Variants in SHANK2 observed in about 807,000 individuals in gnomAD.
SHANK2 encodes SH3 and multiple ankyrin repeat domains protein 2.
In SHANK2, 43 loss-of-function variants were observed where a neutral mutation model predicts 133.7. The observed-to-expected ratio is 0.32, with a 90% CI of 0.25 to 0.41. The LOEUF (loss-of-function observed/expected upper bound fraction) is 0.41. Ranked by LOEUF, SHANK2 falls within the 10% of genes least tolerant of loss-of-function variation. SHANK2 has a pLI of 1.00. For synonymous variants in SHANK2, 1,017 were observed against 952.8 expected, an observed-to-expected ratio of 1.07 and a Z score of -1.24; for missense variants, 1,994 against 2,235.8, an observed-to-expected ratio of 0.89 and a Z score of 2.18.
At chr11:70,672,066 C>T (rs12576768) in intron 15 of SHANK2, among the ~76,000 whole-genome samples, 13,904 of 54,286 alleles carry the variant, frequency 0.26, 1,157 homozygotes, top group African/African-American at 0.3. Flanking sequence ...TTTTCTTTTT[C>T]TTTTTTTTTT....
At chr11:71,153,025 CT>C (rs1241173261) in intron 2 of SHANK2, among the ~76,000 whole-genome samples, 1 of 152,210 alleles carries the variant, frequency 6.6e-6, no homozygotes, top group Non-Finnish European at 1.5e-5. Flanking sequence ...AAAAAACTCT[CT>C]GCTGTTCATC....
Position 70,807,079 on chromosome 11 carries a change from C to A in SHANK2, c.1586G>T (p.Arg529Met), listed in dbSNP as rs1555052077. Reference sequence around the variant, plus strand: ...GTATGGCTTGACAGCGACGAAGAGCCTCCCGGGCACGGCACTGTAGAGCTT... The same window carrying A: ...GTATGGCTTGACAGCGACGAAGAGCATCCCGGGCACGGCACTGTAGAGCTT... ...KRKLYSAVPG[R>M]LFVAVKPYQP... The change falls in exon 13 of 26, where the codon AGG (arginine) becomes ATG (methionine). Residue 529 changes from arginine to methionine, a missense_variant. This residue lies in a region of SHANK2 where 653 missense variants were observed against 563.4 expected (regional missense o/e 1.16). Transcript: ENST00000601538. The surrounding 1 kb of genome is among the most constrained non-coding windows in gnomAD (Gnocchi z 4.8). The A allele has an allele frequency of 2.8e-6, 2 of 717,956 alleles. No homozygotes were observed. The highest frequency in any genetic ancestry group is 5.2e-6 in the Non-Finnish European group (2 of 385,004). The allele number at this position is 717,956 out of a possible 1,614,324, so 44.5% of individuals were successfully genotyped here.
chr11:70,647,170 G>T (rs2061275792), intron 17 of SHANK2, among the ~76,000 whole-genome samples: 1 of 152,108 alleles, frequency 6.6e-6, no homozygotes, highest in Non-Finnish European at 1.5e-5. Flanking sequence ...CCAGCCAAAA[G>T]AAATCTAACT....
intron 14 of SHANK2, among the ~76,000 whole-genome samples, chr11:70,796,783 C>T (rs1256915458): frequency 6.6e-6 from 1 of 152,186 alleles, no homozygotes; most frequent in African/African-American, 2.4e-5. Flanking sequence ...TCAGAAGCTC[C>T]CCCTGGTGAC....
Position 71,236,596 on chromosome 11 carries a change from C to T in SHANK2, c.-112-11800G>A, listed in dbSNP as rs559559493. On this transcript the variant is annotated intron_variant, in intron 1 of 25. Coordinates refer to ENST00000601538, the MANE Select transcript of SHANK2 (RefSeq NM_012309.5). ...TCAGCTTGAGCCTGGTTCCAGTAGGCAACTTACAGAACCATGACCTAAATA... is the reference window on the plus strand; with the variant it reads ...TCAGCTTGAGCCTGGTTCCAGTAGGTAACTTACAGAACCATGACCTAAATA... 4.6e-5 allele frequency among the ~76,000 whole-genome samples: 7 copies of T among 152,308 alleles called. No homozygotes were observed. In the East Asian group the frequency reaches 1.4e-3, roughly 29 times the overall value.
intron 10 of SHANK2, chr11:70,943,100 G>A: frequency 4.4e-6 from 2 of 456,690 alleles, no homozygotes; most frequent in Non-Finnish European, 8.8e-6. Flanking sequence ...GGGTGGGAAG[G>A]AGTTCACCTG....
Position 70,707,956 on chromosome 11 carries a change from G to A in SHANK2, c.1778-9193C>T, listed in dbSNP as rs553663958. The stretch of plus-strand genomic sequence containing the variant: ...AGGCCAATCATCAGAACCTCCCCTG[G>A]GAATCTGGAGTAGATGTGGACAGTC... On this transcript the variant is annotated intron_variant, in intron 14 of 25. Coordinates refer to ENST00000601538, the MANE Select transcript of SHANK2 (RefSeq NM_012309.5). Among the ~76,000 whole-genome samples, 12 of 152,274 alleles carry A rather than the reference G, an allele frequency of 7.9e-5. No homozygotes were observed. The South Asian group carries it at 2.5e-3, about 32-fold the overall frequency.
chr11:71,212,536 T>G (rs1954304609), intron 2 of SHANK2, among the ~76,000 whole-genome samples: 1 of 152,188 alleles, frequency 6.6e-6, no homozygotes, highest in African/African-American at 2.4e-5. Flanking sequence ...TGTGGCTGTT[T>G]CCAGGGGCTG....
intron 11 of SHANK2, among the ~76,000 whole-genome samples, chr11:70,832,993 C>T (rs782496778): frequency 2.0e-5 from 3 of 152,218 alleles, no homozygotes; most frequent in Non-Finnish European, 2.9e-5. Flanking sequence ...AGCAGCCTGG[C>T]CAGCGTCCTC....
At chr11:70,567,263 T>C (rs1191619120) in intron 17 of SHANK2, among the ~76,000 whole-genome samples, 1 of 152,156 alleles carries the variant, frequency 6.6e-6, no homozygotes, top group Non-Finnish European at 1.5e-5. Flanking sequence ...ACAGGGCCTG[T>C]AGAGAGGTAA....
In SHANK2 at chr11:70,798,504, G is replaced by A. The variant is rs782240808; in HGVS notation, c.1716C>T (p.Ile572=). ...CCACGCACTCCGCCGGAAACCATCC[G>A]ATGTGGCCGCGGGCGCTGCCTTCCC... is the stretch of plus-strand genomic sequence containing the variant. ...GFWEGSARGH[I]GWFPAECVEE... Residue 572 remains isoleucine (I), a synonymous_variant, in exon 14 of 26, where the codon ATC becomes ATT. Transcript: ENST00000601538. 16 of 718,500 alleles carry A rather than the reference G, an allele frequency of 2.2e-5. No homozygotes were observed. Among genetic ancestry groups the A allele is most frequent in the South Asian group, 3.0e-5 (2 of 67,600 alleles). 44.5% of individuals were successfully genotyped at this position (718,500 alleles called of 1,614,324 possible).
At chr11:70,915,691 C>G (rs1565403619) in intron 10 of SHANK2, among the ~76,000 whole-genome samples, 1 of 152,166 alleles carries the variant, frequency 6.6e-6, no homozygotes, top group African/African-American at 2.4e-5. Context: ...GAGCCCACCC[C>G]ACAAAAGGGC....
chr11:71,105,176 AG>A (rs1457425542), intron 6 of SHANK2, among the ~76,000 whole-genome samples: 15 of 152,336 alleles, frequency 9.8e-5, no homozygotes, highest in Non-Finnish European at 1.8e-4. Flanking sequence ...AAGCTGTGAA[AG>A]GGCCTGGAGG....
intron 17 of SHANK2, among the ~76,000 whole-genome samples, chr11:70,564,696 T>C (rs2059947257): frequency 6.6e-6 from 1 of 152,222 alleles, no homozygotes; most frequent in Admixed American, 6.5e-5. Context: ...TTTTTTTCTC[T>C]GTGTTTCACT....
chr11:71,112,711 A>G (rs1454273825), intron 5 of SHANK2, among the ~76,000 whole-genome samples: 1 of 151,998 alleles, frequency 6.6e-6, no homozygotes, highest in African/African-American at 2.4e-5. Context: ...CACACACCCT[A>G]TGCCTCAGCC....
chr11:71,237,311 C>G (rs1555123838), intron 1 of SHANK2, among the ~76,000 whole-genome samples: 1 of 152,154 alleles, frequency 6.6e-6, no homozygotes. Context: ...TGCCCAGGGG[C>G]CAATTCTAGC....
At chr11:71,198,555 G>A (rs113820014) in intron 2 of SHANK2, among the ~76,000 whole-genome samples, 4,640 of 152,130 alleles carry the variant, frequency 0.031, 106 homozygotes, top group African/African-American at 0.062. Context: ...CTACCACATC[G>A]TGAGTCCACG....
In SHANK2 at chr11:70,804,485, T is replaced by C. The variant is rs2135258193; in HGVS notation, c.1663+2517A>G. 6.6e-6 allele frequency among the ~76,000 whole-genome samples: 1 copy of C among 152,314 alleles called. No homozygotes were observed. Among genetic ancestry groups the C allele is most frequent in the South Asian group, 2.1e-4 (1 of 4,832 alleles). On this transcript the variant is annotated intron_variant, in intron 13 of 25. Transcript: ENST00000601538. This position sits in a 1 kb window ranked among gnomAD's most constrained non-coding sequence, Gnocchi z 4.1. ...AAGTGTGAGTTTTGGAACCGAGCTC[T>C]GTCATTTCTGTTCTCCCTGGGAGAA...
At chr11:70,694,997 A>G (rs1476917675) in intron 15 of SHANK2, among the ~76,000 whole-genome samples, 1 of 152,136 alleles carries the variant, frequency 6.6e-6, no homozygotes, top group Non-Finnish European at 1.5e-5. Flanking sequence ...GGCCTCCCTC[A>G]GGCTAACCCT....
Sources: gnomAD v4.1 joint callset for allele counts (sites outside exome capture counted in the v4.1 genomes callset) on GRCh38, gnomAD v4.1.1 for gene constraint, gnomAD v4.1.1 regional missense constraint, Gnocchi (gnomAD v3.1) non-coding constraint, MANE v1.5 for transcripts, NCBI Gene and HGNC (gene_info 2026-07-23, HGNC 2026-07-21) for gene names.